The following GRM7 variants were observed in gnomAD, a reference collection of about 807,000 sequenced individuals.
GRM7 encodes glutamate metabotropic receptor 7, also known as metabotropic glutamate receptor 7.
In GRM7, 35 loss-of-function variants were observed where a neutral mutation model predicts 84.5. The ratio of observed to expected loss-of-function variants is 0.41; its 90% confidence interval spans 0.32 to 0.55. The LOEUF (loss-of-function observed/expected upper bound fraction) is 0.55. Among genes scored for constraint, GRM7 ranks in the 20% least tolerant of loss-of-function variants. The pLI is 0.19. For missense variants in GRM7, 1,003 were observed against 1,194.6 expected (o/e 0.84, Z 2.36); for synonymous variants, 487 against 455.1 (o/e 1.07, Z -0.89).
intron 2 of GRM7, among the ~76,000 whole-genome samples, chr3:7,171,212 C>G (rs947475992): frequency 1.4e-4 from 21 of 152,098 alleles, no homozygotes; most frequent in African/African-American, 4.6e-4. Context: ...GGCCTCTCTC[C>G]TTAGCTTGTA....
chr3:7,255,855 G>A (rs192909199), intron 2 of GRM7, among the ~76,000 whole-genome samples: 20 of 152,298 alleles, frequency 1.3e-4, no homozygotes, highest in Non-Finnish European at 2.8e-4. Flanking sequence ...AGGAGTTTCT[G>A]TCTATCTACT....
chr3:7,209,874 T>A (rs1401755813), intron 2 of GRM7, among the ~76,000 whole-genome samples: 1 of 152,026 alleles, frequency 6.6e-6, no homozygotes, highest in Admixed American at 6.6e-5. Flanking sequence ...GGATAAAGGA[T>A]CAACGGTCTC....
At chr3:7,022,292 C>A (rs1019152492) in intron 1 of GRM7, among the ~76,000 whole-genome samples, 1 of 151,024 alleles carries the variant, frequency 6.6e-6, no homozygotes, top group Non-Finnish European at 1.5e-5. Flanking sequence ...TGCCACTGCA[C>A]CCCAGCTGAG....
chr3:7,398,008 C>T (rs1695286713), intron 4 of GRM7, among the ~76,000 whole-genome samples: 1 of 151,992 alleles, frequency 6.6e-6, no homozygotes, highest in African/African-American at 2.4e-5. Context: ...ACACCAACCC[C>T]CCACCAAAAA....
At chr3:6,940,059 A>G (rs1414895564) in intron 1 of GRM7, among the ~76,000 whole-genome samples, 2 of 152,300 alleles carry the variant, frequency 1.3e-5, no homozygotes, top group Admixed American at 1.3e-4. Flanking sequence ...TTTAATTTAC[A>G]TAGCACTTTT....
intron 4 of GRM7, among the ~76,000 whole-genome samples, chr3:7,362,086 A>T (rs1693687773): frequency 6.6e-6 from 1 of 152,070 alleles, no homozygotes; most frequent in South Asian, 2.1e-4. Flanking sequence ...CCTCATAGTG[A>T]CCTGGGAAAT....
chr3:7,547,748 G>A (rs6788129), intron 7 of GRM7, among the ~76,000 whole-genome samples: 7,951 of 152,166 alleles, frequency 0.052, 660 homozygotes, highest in African/African-American at 0.18. Context: ...ACTCTCCCAT[G>A]TACAAAAGGA....
chr3:7,550,965 A>G (rs1693438740), intron 7 of GRM7, among the ~76,000 whole-genome samples: 1 of 152,200 alleles, frequency 6.6e-6, no homozygotes, highest in South Asian at 2.1e-4. Flanking sequence ...TAGAAATATC[A>G]GGGTTAGAAT....
At chr3:7,209,657 C>G (rs953902348) in intron 2 of GRM7, among the ~76,000 whole-genome samples, 1 of 152,024 alleles carries the variant, frequency 6.6e-6, no homozygotes, top group Non-Finnish European at 1.5e-5. Flanking sequence ...TGTCTGTTGA[C>G]GAGGTAGCTC....
intron 2 of GRM7, among the ~76,000 whole-genome samples, chr3:7,163,123 C>G (rs571533292): frequency 6.6e-6 from 1 of 152,194 alleles, no homozygotes; most frequent in Admixed American, 6.5e-5. Context: ...CTCCAGTCTT[C>G]TGTTGCTCTG....
chr3:7,078,619 G>A (rs1472578596), intron 1 of GRM7, among the ~76,000 whole-genome samples: 3 of 152,108 alleles, frequency 2.0e-5, no homozygotes, highest in Non-Finnish European at 4.4e-5. Context: ...ACCAAACCAA[G>A]TCACATTTAA....
intron 1 of GRM7, among the ~76,000 whole-genome samples, chr3:6,943,056 T>G (rs1240741839): frequency 6.6e-6 from 1 of 152,078 alleles, no homozygotes; most frequent in Non-Finnish European, 1.5e-5. Flanking sequence ...CACTTTTTGG[T>G]AAGTTGGTTC....
At chr3:7,661,413 T>G (rs1313463841) in intron 8 of GRM7, among the ~76,000 whole-genome samples, 1 of 152,146 alleles carries the variant, frequency 6.6e-6, no homozygotes, top group Non-Finnish European at 1.5e-5. Flanking sequence ...GCACACCTAT[T>G]AGAAAGGCTG....
chr3:7,009,850 G>C (rs1208238335), intron 1 of GRM7, among the ~76,000 whole-genome samples: 1 of 152,138 alleles, frequency 6.6e-6, no homozygotes, highest in East Asian at 1.9e-4. Context: ...CCCTGAAATT[G>C]AGTGCAATAC....
chr3:6,981,401 T>C (rs1014445088), intron 1 of GRM7, among the ~76,000 whole-genome samples: 1 of 152,152 alleles, frequency 6.6e-6, no homozygotes, highest in African/African-American at 2.4e-5. Context: ...CAAAGGAATC[T>C]CCCATCCCTG....
intron 8 of GRM7, 137 bp from the exon 9 acceptor site, chr3:7,679,912 C>CCAAATA: frequency 1.4e-6 from 1 of 727,818 alleles, no homozygotes; most frequent in East Asian, 2.6e-5. Flanking sequence ...AGTTATTGTG[C>CCAAATA]TTTCCTTTAT....
intron 7 of GRM7, among the ~76,000 whole-genome samples, chr3:7,501,909 A>G (rs1022433508): frequency 7.9e-5 from 12 of 152,212 alleles, no homozygotes; most frequent in Admixed American, 3.3e-4. Flanking sequence ...AAGGGATGTC[A>G]TATAAAACCT....
At chr3:7,650,009 G>T (rs1698850979) in intron 8 of GRM7, among the ~76,000 whole-genome samples, 1 of 151,910 alleles carries the variant, frequency 6.6e-6, no homozygotes, top group Non-Finnish European at 1.5e-5. Flanking sequence ...TTAATTATAG[G>T]GTGACTTATT....
chr3:7,672,265 A>G (rs971434411), intron 8 of GRM7, among the ~76,000 whole-genome samples: 10 of 152,174 alleles, frequency 6.6e-5, no homozygotes, highest in East Asian at 1.9e-4. Context: ...ATATGTGAGC[A>G]CTCCAATTAG....
Sources: gnomAD v4.1 joint callset for allele counts (sites outside exome capture counted in the v4.1 genomes callset) on GRCh38, gnomAD v4.1.1 for gene constraint, MANE v1.5 for transcripts, NCBI Gene and HGNC (gene_info 2026-07-23, HGNC 2026-07-21) for gene names.